TESK2: variants seen among roughly 807,000 people sequenced by gnomAD.
TESK2 encodes dual specificity testis-specific protein kinase 2.
A neutral mutation model predicts 57.1 loss-of-function variants in TESK2; 39 were observed. The ratio of observed to expected loss-of-function variants is 0.68; its 90% CI spans 0.53 to 0.89. The LOEUF is 0.89. TESK2 is among the 40% of genes least tolerant of loss of function. The pLI, the probability that TESK2 is intolerant of heterozygous loss-of-function variation, is 0.00. For synonymous variants in TESK2, 249 were observed against 267.9 expected (o/e 0.93, Z 0.69); for missense variants, 646 against 732.1 (o/e 0.88, Z 1.36).
intron 3 of TESK2, among the ~76,000 whole-genome samples, chr1:45,407,997 G>A (rs1307222332): frequency 6.6e-6 from 1 of 152,040 alleles, no homozygotes; most frequent in Non-Finnish European, 1.5e-5. Context: ...GTAATCCTTC[G>A]AATCCAACCT....
At chr1:45,461,918 C>A (rs1390419158) in intron 1 of TESK2, among the ~76,000 whole-genome samples, 2 of 152,206 alleles carry the variant, frequency 1.3e-5, no homozygotes, top group Non-Finnish European at 2.9e-5. Context: ...TTCATCATTT[C>A]TTTGTGTTAC....
intron 6 of TESK2, 22 bp downstream of exon 6, chr1:45,347,896 A>G: frequency 6.3e-7 from 1 of 1,594,532 alleles, no homozygotes; most frequent in Non-Finnish European, 8.6e-7. Flanking sequence ...CTTGGACCCC[A>G]GCATCCAGTA....
chr1:45,413,005 G>C (rs1428780945), intron 3 of TESK2, among the ~76,000 whole-genome samples: 1 of 152,118 alleles, frequency 6.6e-6, no homozygotes, highest in Non-Finnish European at 1.5e-5. Context: ...GGGGTCGTGG[G>C]GAGGTATGAG....
chr1:45,433,481 T>C (rs547307839), intron 2 of TESK2, among the ~76,000 whole-genome samples: 1 of 152,284 alleles, frequency 6.6e-6, no homozygotes, highest in African/African-American at 2.4e-5. Flanking sequence ...TTCTACTCTT[T>C]ACCTCTATGA....
At chr1:45,377,252 T>C (rs1648466730) in intron 4 of TESK2, among the ~76,000 whole-genome samples, 1 of 151,128 alleles carries the variant, frequency 6.6e-6, no homozygotes, top group Admixed American at 6.6e-5. Context: ...TTTGTAGGAA[T>C]TGAGGCATGA....
At chr1:45,381,722 C>G (rs1292173841) in intron 4 of TESK2, among the ~76,000 whole-genome samples, 3 of 151,466 alleles carry the variant, frequency 2.0e-5, no homozygotes, top group Non-Finnish European at 2.9e-5. Flanking sequence ...GGCTGGAGGG[C>G]AACAGCTAAC....
chr1:45,384,617 T>TTTTA (rs1648816965), intron 4 of TESK2, among the ~76,000 whole-genome samples: 3 of 137,432 alleles, frequency 2.2e-5, no homozygotes, highest in Non-Finnish European at 4.7e-5. Flanking sequence ...TTTTTTTTTT[T>TTTTA]TTTTTTTTTG....
chr1:45,452,483 A>G (rs1324999036), intron 2 of TESK2, among the ~76,000 whole-genome samples: 1 of 152,230 alleles, frequency 6.6e-6, no homozygotes, highest in Non-Finnish European at 1.5e-5. Flanking sequence ...ATAAATGACC[A>G]ATAAACAAAA....
intron 4 of TESK2, among the ~76,000 whole-genome samples, chr1:45,369,412 G>C (rs1319667547): frequency 6.6e-6 from 1 of 152,122 alleles, no homozygotes; most frequent in Admixed American, 6.6e-5. Flanking sequence ...AGAATCACTT[G>C]AAACCAGAAG....
chr1:45,433,663 A>G (rs1251445770), intron 2 of TESK2, among the ~76,000 whole-genome samples: 1 of 151,740 alleles, frequency 6.6e-6, no homozygotes, highest in Non-Finnish European at 1.5e-5. Flanking sequence ...TATATACCAC[A>G]TTTTCTTTTT....
chr1:45,417,296 A>G (rs1650283271), intron 3 of TESK2, among the ~76,000 whole-genome samples: 1 of 151,768 alleles, frequency 6.6e-6, no homozygotes, highest in Admixed American at 6.6e-5. Flanking sequence ...CAATGGTGCA[A>G]TCTCAGCTCA....
intron 5 of TESK2, 121 bp from the exon 6 acceptor site, chr1:45,348,121 C>T (rs180767549): frequency 1.1e-5 from 8 of 707,326 alleles, no homozygotes; most frequent in East Asian, 5.2e-5. Flanking sequence ...CTTGGTGAAC[C>T]GCACTCAAGC....
intron 4 of TESK2, among the ~76,000 whole-genome samples, chr1:45,381,231 T>C (rs902911156): frequency 3.3e-5 from 5 of 152,202 alleles, no homozygotes; most frequent in Admixed American, 2.0e-4. Flanking sequence ...ATACTTATGA[T>C]CTGCTGACTG....
At chr1:45,413,693 C>A in intron 3 of TESK2, 1 of 228,446 alleles carries the variant, frequency 4.4e-6, no homozygotes. Flanking sequence ...AAAAGTGCAA[C>A]TGTTCTGACT....
chr1:45,424,977 G>C (rs535626685), intron 2 of TESK2, among the ~76,000 whole-genome samples: 2 of 152,202 alleles, frequency 1.3e-5, no homozygotes, highest in South Asian at 4.1e-4. Flanking sequence ...AAAACTGAAA[G>C]CCTTTCCTCT....
At position 45,344,778 on chromosome 1, in the gene TESK2, T is replaced by G; in HGVS notation, c.*62A>C. 6.9e-7 allele frequency: 1 copy of G among 1,457,996 alleles called. No individual in the cohort carries two copies. Among genetic ancestry groups the G allele is most frequent in the Non-Finnish European group, 9.4e-7 (1 of 1,062,928 alleles). 90.3% of individuals were successfully genotyped at this position (1,457,996 alleles called of 1,614,324 possible). ...CAGGGAAGAATCAAGGCTGTGCACC[T>G]AGGGGGCCATATGGTTTCAGCTGAA... is the stretch of plus-strand genomic sequence containing the variant. On this transcript the variant is annotated 3_prime_UTR_variant, in exon 11 of 11. Transcript: ENST00000372086.
chr1:45,484,924 G>A (rs899568545), intron 1 of TESK2, among the ~76,000 whole-genome samples: 4 of 148,790 alleles, frequency 2.7e-5, no homozygotes, highest in Non-Finnish European at 5.9e-5. Context: ...CCAGCTACTC[G>A]GGAGGCCGAG....
chr1:45,382,954 T>C (rs1193893097), intron 4 of TESK2, among the ~76,000 whole-genome samples: 4 of 152,212 alleles, frequency 2.6e-5, no homozygotes, highest in Non-Finnish European at 4.4e-5. Context: ...GTTCAATTAA[T>C]GTCTACAATT....
chr1:45,391,215 CCTTT>C (rs1398933058), intron 3 of TESK2, among the ~76,000 whole-genome samples: 2 of 138,018 alleles, frequency 1.4e-5, no homozygotes, highest in African/African-American at 5.8e-5. Context: ...TGCGCCCAGC[CCTTT>C]TTTTTTTTTT....
Sources: gnomAD v4.1 joint callset for allele counts (sites outside exome capture counted in the v4.1 genomes callset) on GRCh38, gnomAD v4.1.1 for gene constraint, MANE v1.5 for transcripts, NCBI Gene and HGNC (gene_info 2026-07-23, HGNC 2026-07-21) for gene names.